Variants in SBNO1 observed in about 807,000 individuals in gnomAD.
SBNO1 encodes strawberry notch homolog 1.
In SBNO1, 23 loss-of-function variants were observed where a neutral mutation model predicts 173.6. The observed-to-expected ratio is 0.13, with a 90% confidence interval of 0.10 to 0.19. The LOEUF (loss-of-function observed/expected upper bound fraction) is 0.19. Among genes scored for constraint, SBNO1 ranks in the 10% least tolerant of loss-of-function variants. The pLI, the probability that SBNO1 is intolerant of heterozygous loss-of-function variation, is 1.00. For missense variants in SBNO1, 1,238 were observed against 1,671.2 expected, an observed-to-expected ratio of 0.74 and a Z score of 4.52; for synonymous variants, 632 against 571.5, an observed-to-expected ratio of 1.11 and a Z score of -1.51.
chr12:123,347,762 T>C (rs1309553244), intron 3 of SBNO1, among the ~76,000 whole-genome samples: 5 of 152,040 alleles, frequency 3.3e-5, no homozygotes, highest in Non-Finnish European at 7.4e-5. Context: ...CTTGAACTCC[T>C]GACCTCAAGT....
chr12:123,349,827 A>G (rs1367591545), intron 2 of SBNO1, among the ~76,000 whole-genome samples: 3 of 152,106 alleles, frequency 2.0e-5, no homozygotes, highest in Non-Finnish European at 4.4e-5. Flanking sequence ...AGGCAAGAGA[A>G]TTGTGAACCC....
intron 30 of SBNO1, 28 bp from the exon 31 acceptor site, chr12:123,298,199 T>A (rs761406676): frequency 1.3e-6 from 2 of 1,595,844 alleles, no homozygotes; most frequent in Non-Finnish European, 1.7e-6. Context: ...GAAATACATA[T>A]GAGTGTCTAT....
chr12:123,339,694 G>A (rs1366031315), intron 5 of SBNO1, among the ~76,000 whole-genome samples: 1 of 152,142 alleles, frequency 6.6e-6, no homozygotes, highest in African/African-American at 2.4e-5. Flanking sequence ...AGCTGAGGCA[G>A]AAGAATCGCT....
intron 1 of SBNO1, among the ~76,000 whole-genome samples, chr12:123,362,756 A>C (rs1285854778): frequency 7.6e-6 from 1 of 131,050 alleles, no homozygotes; most frequent in East Asian, 2.1e-4. Context: ...GCAACACAGC[A>C]AGACTCCGCC....
At chr12:123,311,696 C>CTATA in intron 24 of SBNO1, among the ~76,000 whole-genome samples, 1 of 62,222 alleles carries the variant, frequency 1.6e-5, no homozygotes, top group African/African-American at 6.3e-5. Flanking sequence ...AGTAACCTAT[C>CTATA]TATCTATCTA....
At chr12:123,296,865 G>GT (rs139244747) in intron 31 of SBNO1, among the ~76,000 whole-genome samples, 7,156 of 145,196 alleles carry the variant, frequency 0.049, 296 homozygotes, top group East Asian at 0.25. Context: ...GGCCCTATTT[G>GT]TTTTTTTTTT....
chr12:123,364,025 T>A, intron 1 of SBNO1: 1 of 985,478 alleles, frequency 1.0e-6, no homozygotes, highest in Non-Finnish European at 1.2e-6. Flanking sequence ...AATCCCCAAC[T>A]GCCGTTCCCC....
intron 24 of SBNO1, among the ~76,000 whole-genome samples, chr12:123,312,210 G>C (rs1379813174): frequency 6.6e-6 from 1 of 151,980 alleles, no homozygotes; most frequent in Non-Finnish European, 1.5e-5. Context: ...AAAGTGCTGG[G>C]ATTACGGGCA....
intron 11 of SBNO1, 33 bp downstream of exon 11, chr12:123,327,859 A>G: frequency 6.3e-7 from 1 of 1,584,018 alleles, no homozygotes; most frequent in Non-Finnish European, 8.6e-7. Flanking sequence ...AAAATAACCT[A>G]CAATATATAT....
intron 29 of SBNO1, 110 bp from the exon 30 acceptor site, chr12:123,303,010 A>G: frequency 6.2e-6 from 5 of 809,096 alleles, no homozygotes; most frequent in East Asian, 2.5e-5. Context: ...TCTCTACACA[A>G]AAAGCCTAAC....
intron 15 of SBNO1, among the ~76,000 whole-genome samples, chr12:123,325,144 A>G (rs1048597277): frequency 1.3e-5 from 2 of 152,154 alleles, no homozygotes; most frequent in African/African-American, 4.8e-5. Context: ...TATTAGGACA[A>G]ACTATAGTTA....
At position 123,317,270 on chromosome 12, in the gene SBNO1, A is replaced by G. The variant is rs1869396265; in HGVS notation, c.2886T>C (p.His962=). 6.2e-7 allele frequency: 1 copy of G among 1,614,162 alleles called. No homozygotes were observed. The highest frequency in any genetic ancestry group is 8.5e-7 in the Non-Finnish European group (1 of 1,179,996). The stretch of plus-strand genomic sequence containing the variant: ...CGCTCCAAGGTAATTCTAAAGTCAT[A>G]TGAACTCTTCGCCTTTGATTTTTAG... ...RRAKNQRRRV[H]MTLELPWSAD... The change falls in exon 21 of 32, where the codon CAT becomes CAC. Residue 962 remains histidine (H), a synonymous_variant. Coordinates refer to ENST00000602398, the MANE Select transcript of SBNO1 (RefSeq NM_001167856.3).
intron 21 of SBNO1, among the ~76,000 whole-genome samples, chr12:123,316,471 AC>A (rs1869280090): frequency 6.6e-6 from 1 of 152,018 alleles, no homozygotes; most frequent in Non-Finnish European, 1.5e-5. Flanking sequence ...TGATCCACCC[AC>A]CTCAGCCTGC....
intron 1 of SBNO1, 42 bp downstream of exon 1, chr12:123,364,659 G>C (rs1052029550): frequency 9.2e-6 from 9 of 982,958 alleles, no homozygotes; most frequent in Non-Finnish European, 7.2e-6. Flanking sequence ...CTGTCCGGGA[G>C]GGGGAGTGTG....
rs1304251618 is a variant in SBNO1, at chr12:123,295,277, T to C, written c.*631A>G. ...AAAATGCAATAACCAATGCTGTACA[T>C]CTAACAAATGTTTCTCTCTGTTACT... is the stretch of plus-strand genomic sequence containing the variant. On this transcript the variant is annotated 3_prime_UTR_variant, in exon 32 of 32. Coordinates refer to ENST00000602398, the MANE Select transcript of SBNO1 (RefSeq NM_001167856.3). 5 of 152,156 alleles carry C rather than the reference T, an allele frequency of 3.3e-5. No homozygotes were observed. In the East Asian group the frequency reaches 7.7e-4, roughly 23 times the overall value. The allele number at this position is 152,156 out of a possible 1,614,324, so 9.4% of individuals were successfully genotyped here.
chr12:123,326,164 G>C lies in SBNO1; in HGVS notation c.1863C>G (p.Ile621Met). ...TTCTTCTACTTACTTTTCCATTCTT[G>C]ATTTCCTCTCGAGCTAGTTGCACAA... ...KRVVQLAREE[I>M]KNGKCVVIGL... The change falls in exon 14 of 32, where the codon ATC becomes ATG. Residue 621 changes from isoleucine (I) to methionine (M), a missense_variant. Transcript: ENST00000602398. 6.2e-7 allele frequency: 1 copy of C among 1,604,928 alleles called. No homozygotes were observed. The highest frequency in any genetic ancestry group is 8.5e-7 in the Non-Finnish European group (1 of 1,174,802).
chr12:123,337,318 C>CGG (rs2139025591), intron 5 of SBNO1, among the ~76,000 whole-genome samples: 1 of 152,308 alleles, frequency 6.6e-6, no homozygotes, highest in East Asian at 1.9e-4. Flanking sequence ...AGCCACTTTT[C>CGG]ACTACCAGTA....
chr12:123,303,982 A>G (rs2048855010), intron 29 of SBNO1, among the ~76,000 whole-genome samples: 1 of 119,790 alleles, frequency 8.3e-6, no homozygotes, highest in Admixed American at 1.2e-4. Flanking sequence ...GCTGGAGTGC[A>G]GTGGTGCAAT....
chr12:123,324,700 G>A (rs1186648801), intron 15 of SBNO1, among the ~76,000 whole-genome samples: 2 of 152,150 alleles, frequency 1.3e-5, no homozygotes, highest in Admixed American at 1.3e-4. Flanking sequence ...TACTACCAGA[G>A]TTTGAATGTG....
Sources: gnomAD v4.1 joint callset for allele counts (sites outside exome capture counted in the v4.1 genomes callset) on GRCh38, gnomAD v4.1.1 for gene constraint, MANE v1.5 for transcripts, NCBI Gene and HGNC (gene_info 2026-07-23, HGNC 2026-07-21) for gene names.